The following JAKMIP3 variants were observed in gnomAD, a reference collection of about 807,000 sequenced individuals.
JAKMIP3 encodes Janus kinase and microtubule interacting protein 3, also known as janus kinase and microtubule-interacting protein 3.
In JAKMIP3, 58 loss-of-function variants were observed where a neutral mutation model predicts 118.5. The observed-to-expected ratio is 0.49, with a 90% CI of 0.40 to 0.61. The LOEUF (loss-of-function observed/expected upper bound fraction) is 0.61, where lower values mean the gene tolerates loss of function less well. JAKMIP3 is among the 20% of genes least tolerant of loss of function. JAKMIP3 has a pLI of 0.00. For synonymous variants in JAKMIP3, 486 were observed against 451.2 expected (o/e 1.08, Z -0.98); for missense variants, 950 against 1,109.0 (o/e 0.86, Z 2.04).
chr10:132,117,065 G>A lies in JAKMIP3; in HGVS notation c.136-12G>A, dbSNP rs1272391265. Reference sequence around the variant, plus strand: ...AGCTCCTGCCACACTCAGTCTCGCTGTTGTCTTTCAGGTCAGCAAAGTGGA... The same window carrying A: ...AGCTCCTGCCACACTCAGTCTCGCTATTGTCTTTCAGGTCAGCAAAGTGGA... On this transcript the variant is annotated splice_polypyrimidine_tract_variant and intron_variant, in intron 2 of 23. Transcript: ENST00000684848. This position sits in a 1 kb window ranked among gnomAD's most constrained non-coding sequence, Gnocchi z 8.6. 1.3e-6 allele frequency: 2 copies of A among 1,597,834 alleles called. No individual in the cohort carries two copies. Among genetic ancestry groups the A allele is most frequent in the Non-Finnish European group, 1.7e-6 (2 of 1,168,726 alleles).
rs2060823108 is a variant in JAKMIP3 at position 132,180,590 on chromosome 10, T to TGTGTGC, written c.*1104-1762_*1104-1761insCGTGTG. Among the ~76,000 whole-genome samples, 6 of 21,688 alleles carry TGTGTGC rather than the reference T, an allele frequency of 2.8e-4. 1 individual carries two copies. The highest frequency in any genetic ancestry group is 8.9e-4 in the African/African-American group (6 of 6,706). The allele number at this position is 21,688 out of a possible 152,430, so 14.2% of individuals were successfully genotyped here. A position where few individuals can be genotyped will look rare whatever the true frequency, so the allele number is the denominator to read the frequency against. ...GTGCGTGTGTGTGTGCGTGCGCGTGTGTGTGTGCGTGCGCGTGTGTGTGTG... is the reference window on the plus strand; with the variant it reads ...GTGCGTGTGTGTGTGCGTGCGCGTGTGTGTGCGTGTGTGCGTGCGCGTGTGTGTGTG... On this transcript the variant is annotated intron_variant, in intron 23 of 23. Transcript: ENST00000684848.
At chr10:132,097,751 GTTTTTT>G (rs71010000) in intron 1 of JAKMIP3, among the ~76,000 whole-genome samples, 2 of 147,112 alleles carry the variant, frequency 1.4e-5, no homozygotes, top group African/African-American at 5.0e-5. Flanking sequence ...CAAACTAAAA[GTTTTTT>G]TTTTTTTTTT....
rs527588177 is a variant in JAKMIP3 at position 132,178,235 on chromosome 10, G to A, written c.*1104-4122G>A. ...ATTCCAGCATCCGTGTGAGCCACAT[G>A]GGGCTCCGCCGTGGTGGCTGGGGAG... On this transcript the variant is annotated intron_variant, in intron 23 of 23. Coordinates refer to ENST00000684848, the MANE Select transcript of JAKMIP3 (RefSeq NM_001323087.2). Among the ~76,000 whole-genome samples, 13 of 152,374 alleles carry A rather than the reference G, an allele frequency of 8.5e-5. No individual in the cohort carries two copies. In the East Asian group the frequency reaches 1.5e-3, roughly 18 times the overall value.
chr10:132,168,442 G>A lies in JAKMIP3; in HGVS notation c.*512G>A, dbSNP rs780875991. 1.6e-6 allele frequency: 2 copies of A among 1,273,948 alleles called. No homozygotes were observed. Among genetic ancestry groups the A allele is most frequent in the Admixed American group, 2.3e-5 (1 of 43,172 alleles). The allele number at this position is 1,273,948 out of a possible 1,614,324, so 78.9% of individuals were successfully genotyped here. A position where few individuals can be genotyped will look rare whatever the true frequency, so the allele number is the denominator to read the frequency against. On this transcript the variant is annotated 3_prime_UTR_variant, in exon 23 of 24. Transcript: ENST00000684848. ...GACCTTCATTCAGGGGAACCTGGAG[G>A]CTCCCTGGGATGGTCCTGGGAGGGC...
In JAKMIP3 at chr10:132,104,910, C is replaced by T. The variant is rs1361452333; in HGVS notation, c.102C>T (p.Asp34=). 1.3e-6 allele frequency: 2 copies of T among 1,590,154 alleles called. No individual in the cohort carries two copies. Among genetic ancestry groups the T allele is most frequent in the Non-Finnish European group, 1.7e-6 (2 of 1,168,552 alleles). Residue 34 remains aspartate, a synonymous_variant, in exon 2 of 24, where the codon GAC becomes GAT. Coordinates refer to ENST00000684848, the MANE Select transcript of JAKMIP3 (RefSeq NM_001323087.2). ...AGGATCTTCGAGCCAAGCTCACAGA[C>T]ATCCAGATCGAGCTGCAGCAGGAGA... ...ANEDLRAKLT[D]IQIELQQEKS...
chr10:132,140,312 C>A, intron 9 of JAKMIP3, 139 bp from the exon 10 acceptor site: 2 of 1,287,574 alleles, frequency 1.6e-6, no homozygotes, highest in African/African-American at 1.5e-5. Flanking sequence ...ACCTCCTCGG[C>A]CTGTGCCAGG....
intron 3 of JAKMIP3, among the ~76,000 whole-genome samples, chr10:132,132,223 G>A (rs1466867460): frequency 2.0e-5 from 3 of 152,202 alleles, no homozygotes; most frequent in Non-Finnish European, 2.9e-5. Flanking sequence ...TTCAGCAATA[G>A]CAGATTTATT....
chr10:132,171,437 C>G (rs2059468395), intron 23 of JAKMIP3, among the ~76,000 whole-genome samples: 2 of 152,182 alleles, frequency 1.3e-5, no homozygotes, highest in South Asian at 2.1e-4. Flanking sequence ...AGAGGAATTG[C>G]GACAATGTCC....
At chr10:132,145,043 G>A (rs984637558) in intron 11 of JAKMIP3, 64 bp from the exon 12 acceptor site, 4 of 1,363,270 alleles carry the variant, frequency 2.9e-6, no homozygotes, top group Non-Finnish European at 4.1e-6. Context: ...CGTCCCACGA[G>A]TGTGTGTGCT....
intron 2 of JAKMIP3, among the ~76,000 whole-genome samples, chr10:132,106,333 G>A (rs1431635566): frequency 6.7e-6 from 1 of 149,098 alleles, no homozygotes; most frequent in Non-Finnish European, 1.5e-5. Flanking sequence ...GCGAGACCCT[G>A]TCTCTAAAGA....
intron 3 of JAKMIP3, among the ~76,000 whole-genome samples, chr10:132,121,632 G>A (rs527638740): frequency 3.3e-5 from 5 of 152,192 alleles, no homozygotes; most frequent in Non-Finnish European, 5.9e-5. Context: ...CCCAGGTGTG[G>A]GCACATTGCC....
chr10:132,083,891 AT>A (rs2042075563), intron 1 of JAKMIP3, among the ~76,000 whole-genome samples: 1 of 152,162 alleles, frequency 6.6e-6, no homozygotes. Context: ...CCATTGGTCT[AT>A]GTGCCTGTTT....
intron 20 of JAKMIP3, among the ~76,000 whole-genome samples, chr10:132,164,252 G>A (rs1344753939): frequency 6.6e-6 from 1 of 152,204 alleles, no homozygotes; most frequent in African/African-American, 2.4e-5. Context: ...GCTGTGGTTG[G>A]AGCTCGGATG....
chr10:132,060,848 C>T (rs980018099), upstream of JAKMIP3, among the ~76,000 whole-genome samples: 6 of 152,178 alleles, frequency 3.9e-5, no homozygotes, highest in East Asian at 1.9e-4. Context: ...GGTGAAACTC[C>T]GTCTCCACTA....
intron 1 of JAKMIP3, among the ~76,000 whole-genome samples, chr10:132,051,008 C>A (rs934465533): frequency 5.3e-5 from 8 of 150,208 alleles, no homozygotes; most frequent in African/African-American, 7.4e-5. Context: ...TGGGTGGGTA[C>A]CTGCCTGTCT....
intron 8 of JAKMIP3, 90 bp from the exon 9 acceptor site, chr10:132,138,029 C>G: frequency 2.4e-6 from 3 of 1,247,388 alleles, no homozygotes; most frequent in Non-Finnish European, 3.4e-6. Flanking sequence ...TCCCTGTCAT[C>G]CAAATGATGG....
At chr10:132,143,837 C>T (rs1425653800) in intron 11 of JAKMIP3, 1 of 152,266 alleles carries the variant, frequency 6.6e-6, no homozygotes, top group South Asian at 2.1e-4. Context: ...CCTCTGTGGG[C>T]TCCGTTTCCC....
In JAKMIP3 at chr10:132,094,507, G is replaced by A. The variant is rs577845187; in HGVS notation, c.-137-10165G>A. On this transcript the variant is annotated intron_variant, in intron 1 of 23. Transcript: ENST00000684848. ...ATGGATGTGGCTTCCAGAGAGGTGG[G>A]CTGTAGTGATTGTTATCTCTCTTCT... Among the ~76,000 whole-genome samples, 37 of 152,244 alleles carry A rather than the reference G, an allele frequency of 2.4e-4. No individual in the cohort carries two copies. In the South Asian group the frequency reaches 7.7e-3, roughly 32 times the overall value.
chr10:132,079,251 A>C (rs2041394493), intron 1 of JAKMIP3, among the ~76,000 whole-genome samples: 1 of 146,324 alleles, frequency 6.8e-6, no homozygotes, highest in South Asian at 2.3e-4. Flanking sequence ...TGACAAATTC[A>C]CATAGAGTTC....
Sources: gnomAD v4.1 joint callset for allele counts (sites outside exome capture counted in the v4.1 genomes callset) on GRCh38, gnomAD v4.1.1 for gene constraint, Gnocchi (gnomAD v3.1) non-coding constraint, MANE v1.5 for transcripts, NCBI Gene and HGNC (gene_info 2026-07-23, HGNC 2026-07-21) for gene names.